The following ZFPM2 variants were observed in gnomAD, a reference collection of about 807,000 sequenced individuals.
ZFPM2 encodes the protein zinc finger protein, FOG family member 2.
A neutral mutation model predicts 98.6 loss-of-function variants in ZFPM2; 20 were observed. The ratio of observed to expected loss-of-function variants is 0.20; its 90% CI spans 0.14 to 0.29. The LOEUF is 0.29. Among genes scored for constraint, ZFPM2 ranks in the 10% least tolerant of loss-of-function variants. The pLI, the probability that ZFPM2 is intolerant of heterozygous loss-of-function variation, is 1.00. For missense variants in ZFPM2, 1,310 were observed against 1,388.6 expected, an observed-to-expected ratio of 0.94 and a Z score of 0.90; for synonymous variants, 518 against 502.7, an observed-to-expected ratio of 1.03 and a Z score of -0.41.
At chr8:105,414,276 T>G (rs1465023798) in intron 1 of ZFPM2, among the ~76,000 whole-genome samples, 2 of 151,990 alleles carry the variant, frequency 1.3e-5, no homozygotes. Context: ...ACCATAGAAG[T>G]TGGCATTTCT....
chr8:105,618,572 A>G (rs1281882919), intron 4 of ZFPM2, among the ~76,000 whole-genome samples: 1 of 152,184 alleles, frequency 6.6e-6, no homozygotes, highest in Non-Finnish European at 1.5e-5. Flanking sequence ...TTATGGAAAC[A>G]CATTTCTTTA....
intron 1 of ZFPM2, among the ~76,000 whole-genome samples, chr8:105,334,600 T>C (rs1006745300): frequency 6.6e-6 from 1 of 151,718 alleles, no homozygotes; most frequent in African/African-American, 2.4e-5. Flanking sequence ...ATAAAAGTTC[T>C]ATTCTTTAAA....
chr8:105,395,838 C>T (rs935432900), intron 1 of ZFPM2, among the ~76,000 whole-genome samples: 3 of 152,260 alleles, frequency 2.0e-5, no homozygotes, highest in East Asian at 1.9e-4. Flanking sequence ...GACAGCTTGT[C>T]AAGGCCAGAA....
At chr8:105,515,366 C>T (rs1187431826) in intron 3 of ZFPM2, among the ~76,000 whole-genome samples, 1 of 152,156 alleles carries the variant, frequency 6.6e-6, no homozygotes, top group Non-Finnish European at 1.5e-5. Flanking sequence ...TTATTGTGTG[C>T]TATGTGCCAG....
chr8:105,456,146 G>GTT lies in ZFPM2; in HGVS notation c.301+11773_301+11774dup, dbSNP rs200639878. Reference sequence around the variant, plus strand: ...AGAAGATGGGGAAAACCAGGAAAATGTTTTTTTTTGTTTGTTTGTTTGTTT... The same window carrying GTT: ...AGAAGATGGGGAAAACCAGGAAAATGTTTTTTTTTTTGTTTGTTTGTTTGTTT... On this transcript the variant is annotated intron_variant, in intron 3 of 7. Coordinates refer to ENST00000407775, the MANE Select transcript of ZFPM2 (RefSeq NM_012082.4). 3.2e-3 allele frequency among the ~76,000 whole-genome samples: 295 copies of GTT among 93,270 alleles called. 33 individuals are homozygous for GTT. Among genetic ancestry groups the GTT allele is most frequent in the East Asian group, 0.013 (25 of 1,998 alleles). The allele number at this position is 93,270 out of a possible 152,430, so 61.2% of individuals were successfully genotyped here. A position where few individuals can be genotyped will look rare whatever the true frequency, so the allele number is the denominator to read the frequency against.
chr8:105,665,656 G>A (rs1197704123), intron 5 of ZFPM2, among the ~76,000 whole-genome samples: 20 of 152,150 alleles, frequency 1.3e-4, no homozygotes, highest in Non-Finnish European at 2.6e-4. Flanking sequence ...CACTTCTGAC[G>A]TAGTGTTTAA....
At chr8:105,495,397 T>TA (rs1284457653) in intron 3 of ZFPM2, among the ~76,000 whole-genome samples, 3 of 152,200 alleles carry the variant, frequency 2.0e-5, no homozygotes, top group South Asian at 2.1e-4. Context: ...CAGTATAATT[T>TA]AAAAAAAATT....
intron 5 of ZFPM2, among the ~76,000 whole-genome samples, chr8:105,666,606 G>T (rs1307798083): frequency 1.3e-5 from 2 of 152,044 alleles, no homozygotes; most frequent in Non-Finnish European, 2.9e-5. Context: ...ACCACTAGAG[G>T]GTCCTAAGAA....
At chr8:105,540,878 C>G (rs1252873919) in intron 3 of ZFPM2, among the ~76,000 whole-genome samples, 1 of 152,060 alleles carries the variant, frequency 6.6e-6, no homozygotes, top group African/African-American at 2.4e-5. Context: ...TCCTTTGCTT[C>G]CATTTCATCA....
chr8:105,389,637 G>C (rs1346574529), intron 1 of ZFPM2, among the ~76,000 whole-genome samples: 1 of 152,168 alleles, frequency 6.6e-6, no homozygotes, highest in Non-Finnish European at 1.5e-5. Flanking sequence ...TGGTATATGG[G>C]GAAACTAGAA....
At chr8:105,719,571 G>T (rs1429691672) in intron 5 of ZFPM2, among the ~76,000 whole-genome samples, 1 of 151,844 alleles carries the variant, frequency 6.6e-6, no homozygotes, top group Non-Finnish European at 1.5e-5. Flanking sequence ...TCAGTTTTCT[G>T]TTATGTAAAA....
intron 5 of ZFPM2, among the ~76,000 whole-genome samples, chr8:105,756,240 G>A (rs796398400): frequency 2.0e-5 from 3 of 152,108 alleles, no homozygotes; most frequent in East Asian, 3.9e-4. Context: ...AAACCCTGTA[G>A]CCCTTTTGAA....
At chr8:105,640,317 C>T (rs2130849949) in intron 5 of ZFPM2, among the ~76,000 whole-genome samples, 1 of 151,978 alleles carries the variant, frequency 6.6e-6, no homozygotes, top group South Asian at 2.1e-4. Flanking sequence ...TTTTCCCATT[C>T]TTTGGCTTGA....
chr8:105,542,305 A>G (rs1190408911), intron 3 of ZFPM2, among the ~76,000 whole-genome samples: 2 of 152,178 alleles, frequency 1.3e-5, no homozygotes, highest in Non-Finnish European at 2.9e-5. Flanking sequence ...AATTGTATGA[A>G]ACCTGAGGTG....
chr8:105,776,054 G>A (rs1214496189), intron 5 of ZFPM2, among the ~76,000 whole-genome samples: 1 of 150,502 alleles, frequency 6.6e-6, no homozygotes, highest in Non-Finnish European at 1.5e-5. Context: ...AAAAAAGAAA[G>A]GAAATTATCT....
intron 4 of ZFPM2, among the ~76,000 whole-genome samples, chr8:105,599,854 A>G (rs1195146752): frequency 6.6e-6 from 1 of 152,094 alleles, no homozygotes; most frequent in Non-Finnish European, 1.5e-5. Flanking sequence ...GGCAAATTAT[A>G]AATAGTATGA....
intron 4 of ZFPM2, among the ~76,000 whole-genome samples, chr8:105,579,189 C>A (rs1372679207): frequency 1.3e-5 from 2 of 152,052 alleles, no homozygotes; most frequent in African/African-American, 4.8e-5. Flanking sequence ...GATACAGTAA[C>A]ATTTCTGGAT....
chr8:105,557,187 A>G (rs1815015021), intron 3 of ZFPM2, among the ~76,000 whole-genome samples: 1 of 152,042 alleles, frequency 6.6e-6, no homozygotes, highest in Non-Finnish European at 1.5e-5. Context: ...CTGCATCACT[A>G]TGCCTTTGAA....
At chr8:105,448,438 AT>A (rs1812418305) in intron 3 of ZFPM2, among the ~76,000 whole-genome samples, 1 of 151,810 alleles carries the variant, frequency 6.6e-6, no homozygotes, top group Admixed American at 6.6e-5. Context: ...TTCAATAAAT[AT>A]TTATCTTGCA....
Sources: allele counts gnomAD v4.1 joint callset (sites outside exome capture counted in the v4.1 genomes callset), GRCh38; gene constraint gnomAD v4.1.1; transcripts MANE v1.5; gene names NCBI Gene and HGNC (gene_info 2026-07-23, HGNC 2026-07-21).